Variants in RNF111 observed in about 807,000 individuals in gnomAD.
RNF111 encodes the protein E3 ubiquitin-protein ligase Arkadia.
A neutral mutation model predicts 95.1 loss-of-function variants in RNF111; 17 were observed. That is an observed-to-expected ratio of 0.18 (90% CI 0.12 to 0.27). The LOEUF is 0.27. RNF111 is among the 10% of genes least tolerant of loss of function. The pLI is 1.00. For missense variants in RNF111, 1,189 were observed against 1,210.4 expected, an observed-to-expected ratio of 0.98 and a Z score of 0.26; for synonymous variants, 440 against 414.8, an observed-to-expected ratio of 1.06 and a Z score of -0.74.
intron 1 of RNF111, among the ~76,000 whole-genome samples, chr15:59,003,404 C>T (rs2039409386): frequency 6.6e-6 from 1 of 151,042 alleles, no homozygotes; most frequent in South Asian, 2.1e-4. Context: ...CACACCCGGC[C>T]TTTTTCTTTT....
chr15:59,071,783 G>A (rs1487492539), intron 6 of RNF111, among the ~76,000 whole-genome samples: 1 of 152,108 alleles, frequency 6.6e-6, no homozygotes, highest in Non-Finnish European at 1.5e-5. Context: ...CTTAGTTGAT[G>A]GGCTTTCCCT....
intron 8 of RNF111, 129 bp from the exon 9 acceptor site, chr15:59,083,997 TATA>T (rs1420301452): frequency 4.7e-5 from 30 of 636,390 alleles, no homozygotes; most frequent in Non-Finnish European, 6.3e-5. Context: ...TATAATTTAT[TATA>T]AAATTTATTT....
chr15:59,086,140 G>A (rs561717267), intron 10 of RNF111, among the ~76,000 whole-genome samples: 10 of 149,852 alleles, frequency 6.7e-5, no homozygotes, highest in African/African-American at 2.0e-4. Context: ...TTTTTTTTTC[G>A]ACAGAGTCTC....
chr15:59,056,440 T>C (rs1341815265), intron 4 of RNF111, among the ~76,000 whole-genome samples: 1 of 152,204 alleles, frequency 6.6e-6, no homozygotes, highest in East Asian at 1.9e-4. Context: ...TGCCCACATA[T>C]TGGGAATCAT....
At chr15:58,993,622 A>C (rs1316933219) in intron 1 of RNF111, among the ~76,000 whole-genome samples, 1 of 152,174 alleles carries the variant, frequency 6.6e-6, no homozygotes, top group African/African-American at 2.4e-5. Flanking sequence ...TTTCGTTTCT[A>C]TTTGTAAATG....
chr15:59,070,302 A>G (rs992808445), intron 6 of RNF111, among the ~76,000 whole-genome samples: 3 of 152,064 alleles, frequency 2.0e-5, no homozygotes, highest in Admixed American at 2.0e-4. Context: ...AATTGTGAAG[A>G]AGAGGGTTCT....
intron 1 of RNF111, among the ~76,000 whole-genome samples, chr15:58,999,361 G>C (rs151152591): frequency 6.6e-6 from 1 of 152,016 alleles, no homozygotes; most frequent in Admixed American, 6.6e-5. Flanking sequence ...TTTTTGAGAC[G>C]GAGTCACACT....
chr15:59,075,270 G>A (rs2043118113), intron 6 of RNF111, among the ~76,000 whole-genome samples: 1 of 152,066 alleles, frequency 6.6e-6, no homozygotes, highest in African/African-American at 2.4e-5. Flanking sequence ...AAAAAACCCC[G>A]AACATCTGCA....
intron 6 of RNF111, 68 bp downstream of exon 6, chr15:59,067,151 TTTCTCTCTC>T (rs2042694091): frequency 1.5e-6 from 2 of 1,294,438 alleles, no homozygotes; most frequent in East Asian, 4.6e-5. Flanking sequence ...CCTTCTCCCT[TTTCTCTCTC>T]TTCCTCTTCC....
intron 8 of RNF111, among the ~76,000 whole-genome samples, chr15:59,083,246 A>G (rs4531679): frequency 0.4 from 60,774 of 152,028 alleles, 14,080 homozygotes; most frequent in African/African-American, 0.64. Flanking sequence ...CTGGGATGCA[A>G]AATAAAGAGT....
chr15:59,052,249 C>A, intron 2 of RNF111, 56 bp from the exon 3 acceptor site: 1 of 1,421,936 alleles, frequency 7.0e-7, no homozygotes, highest in Non-Finnish European at 9.3e-7. Context: ...AAAATTTCTG[C>A]CTAACGATTA....
chr15:58,994,417 T>C (rs1596017313), intron 1 of RNF111, among the ~76,000 whole-genome samples: 2 of 151,726 alleles, frequency 1.3e-5, no homozygotes, highest in East Asian at 1.9e-4. Flanking sequence ...TGAATACTCA[T>C]TATTCAGATT....
intron 2 of RNF111, among the ~76,000 whole-genome samples, chr15:59,032,278 G>C (rs570975204): frequency 2.6e-5 from 4 of 152,080 alleles, no homozygotes; most frequent in Non-Finnish European, 5.9e-5. Flanking sequence ...TATATTTTAT[G>C]TATGTTCTTC....
In RNF111 at chr15:59,030,854, T is replaced by C; in HGVS notation, c.32T>C (p.Leu11Pro). ...CAATGGACTCCTGAATATAACGAGC[T>C]CTACACCTTAAAAGTGGATATGAAG... MSQWTPEYNE[L>P]YTLKVDMKSE... The change falls in exon 2 of 14, where the codon CTC (leucine) becomes CCC (proline). Residue 11 changes from leucine to proline, a missense_variant. Physicochemically the swap from Leu to Pro is moderately conservative, Grantham distance 98 (BLOSUM62 -3). Around this residue, in one of 2 missense-constraint regions of RNF111, gnomAD observed 1,024 missense variants for 925.9 expected, o/e 1.11. Coordinates refer to ENST00000348370, the MANE Select transcript of RNF111 (RefSeq NM_017610.8). 2 of 1,612,866 alleles carry C rather than the reference T, an allele frequency of 1.2e-6. No homozygotes were observed. The highest frequency in any genetic ancestry group is 1.1e-5 in the South Asian group (1 of 90,904).
At chr15:59,084,015 ACTAAT>A (rs2078825001) in intron 8 of RNF111, 109 bp from the exon 9 acceptor site, 3 of 766,856 alleles carry the variant, frequency 3.9e-6, no homozygotes, top group African/African-American at 1.8e-5. Context: ...TTATTTTATG[ACTAAT>A]CTATAGATGT....
chr15:58,989,991 A>G (rs2038739911), intron 1 of RNF111, among the ~76,000 whole-genome samples: 1 of 152,172 alleles, frequency 6.6e-6, no homozygotes, highest in Admixed American at 6.5e-5. Flanking sequence ...TCAGTAGGAA[A>G]TAAAAGAGAC....
Position 59,066,867 on chromosome 15 carries a change from G to A in RNF111, c.1470G>A (p.Ser490=), listed in dbSNP as rs770695954. The change falls in exon 6 of 14, where the codon TCG becomes TCA. Residue 490 remains serine, a synonymous_variant. Coordinates refer to ENST00000348370, the MANE Select transcript of RNF111 (RefSeq NM_017610.8). Reference sequence around the variant, plus strand: ...CCCAGCACTCACCATGTGGAGGGTCGTCACAGAACCACCATGCATTAGGAC... The same window carrying A: ...CCCAGCACTCACCATGTGGAGGGTCATCACAGAACCACCATGCATTAGGAC... ...CCPQHSPCGG[S]SQNHHALGHP... 12 of 1,614,034 alleles carry A rather than the reference G, an allele frequency of 7.4e-6. No homozygotes were observed. The highest frequency in any genetic ancestry group is 1.6e-4 in the Middle Eastern group (1 of 6,062).
rs572505159 is a variant in RNF111 at position 58,991,905 on chromosome 15, G to A, written c.-20+3837G>A. ...TTGGGGGAAATCTGAATATGGATGG[G>A]TATTAGATGATATCAAGGAGTTATT... On this transcript the variant is annotated intron_variant, in intron 1 of 13. Transcript: ENST00000348370. Among the ~76,000 whole-genome samples the A allele has an allele frequency of 3.9e-5, 6 of 152,260 alleles. No individual in the cohort carries two copies. The South Asian group carries it at 1.2e-3, about 32-fold the overall frequency.
At chr15:59,059,923 A>T (rs2042362662) in intron 5 of RNF111, among the ~76,000 whole-genome samples, 1 of 152,136 alleles carries the variant, frequency 6.6e-6, no homozygotes, top group South Asian at 2.1e-4. Context: ...ATAATATCTC[A>T]TTTAATTCTT....
Sources: gnomAD v4.1 joint callset for allele counts (sites outside exome capture counted in the v4.1 genomes callset) on GRCh38, gnomAD v4.1.1 for gene constraint, gnomAD v4.1.1 regional missense constraint, MANE v1.5 for transcripts, NCBI Gene and HGNC (gene_info 2026-07-23, HGNC 2026-07-21) for gene names.